The following STIM2 variants were observed in gnomAD, a reference collection of about 807,000 sequenced individuals.
STIM2 encodes the protein stromal interaction molecule 2.
In STIM2, 31 loss-of-function variants were observed where a neutral mutation model predicts 85.8. The observed-to-expected ratio is 0.36, with a 90% CI of 0.27 to 0.49. The LOEUF is 0.49. STIM2 is among the 20% of genes least tolerant of loss of function. The pLI, the probability that STIM2 is intolerant of heterozygous loss-of-function variation, is 0.98. For synonymous variants in STIM2, 356 were observed against 331.1 expected, an observed-to-expected ratio of 1.08 and a Z score of -0.82; for missense variants, 841 against 927.6, an observed-to-expected ratio of 0.91 and a Z score of 1.21.
At chr4:26,986,083 C>A (rs950084506) in intron 3 of STIM2, among the ~76,000 whole-genome samples, 8 of 152,164 alleles carry the variant, frequency 5.3e-5, no homozygotes, top group South Asian at 2.1e-4. Flanking sequence ...GTTTCCACTA[C>A]TTACTTGGTC....
rs1213033750 is a variant in STIM2 at position 27,024,510 on chromosome 4, T to C, written c.*1514T>C. 1 of 152,244 alleles carries C rather than the reference T, an allele frequency of 6.6e-6. No individual in the cohort carries two copies. Among genetic ancestry groups the C allele is most frequent in the Non-Finnish European group, 1.5e-5 (1 of 68,046 alleles). The allele number at this position is 152,244 out of a possible 1,614,324, so 9.4% of individuals were successfully genotyped here. On this transcript the variant is annotated 3_prime_UTR_variant, in exon 12 of 12. Transcript: ENST00000467087. ...GATAAACCAGAAGTTTCTTTTGAGA[T>C]TTGCTTTAAAGAAATGCTTTAGTAA...
chr4:26,873,987 CTCTCTT>C, intron 1 of STIM2: 1 of 928,200 alleles, frequency 1.1e-6, no homozygotes, highest in Non-Finnish European at 1.8e-6. Flanking sequence ...TTCTGTGCCC[CTCTCTT>C]TCTCCTCCTG....
chr4:26,968,171 C>CA (rs1289551506), intron 3 of STIM2, among the ~76,000 whole-genome samples: 5 of 151,302 alleles, frequency 3.3e-5, no homozygotes, highest in African/African-American at 4.9e-5. Flanking sequence ...ACCCTGTATC[C>CA]AAAAAAAATC....
chr4:26,969,814 C>T (rs574073034), intron 3 of STIM2, among the ~76,000 whole-genome samples: 93 of 152,198 alleles, frequency 6.1e-4, no homozygotes, highest in South Asian at 1.0e-3. Flanking sequence ...AGTAATCACT[C>T]TAGATTCTAG....
chr4:27,019,158 A>C (rs776227725), intron 11 of STIM2, among the ~76,000 whole-genome samples: 1 of 152,142 alleles, frequency 6.6e-6, no homozygotes, highest in African/African-American at 2.4e-5. Flanking sequence ...CTCTTCTATG[A>C]GAAGCAAAAG....
chr4:26,984,571 G>C (rs1212924090), intron 3 of STIM2, among the ~76,000 whole-genome samples: 1 of 152,154 alleles, frequency 6.6e-6, no homozygotes, highest in Non-Finnish European at 1.5e-5. Flanking sequence ...CGCCATGTTG[G>C]CCAGGCTGGT....
intron 2 of STIM2, among the ~76,000 whole-genome samples, chr4:26,929,619 T>G (rs1004695813): frequency 3.9e-5 from 6 of 152,174 alleles, no homozygotes; most frequent in Non-Finnish European, 7.4e-5. Context: ...AAAATTCTGT[T>G]TAAAAACTTA....
chr4:26,861,109 C>A lies in STIM2; in HGVS notation c.-110C>A. The A allele has an allele frequency of 8.3e-7, 1 of 1,201,686 alleles. No individual in the cohort carries two copies. The highest frequency in any genetic ancestry group is 1.0e-6 in the Non-Finnish European group (1 of 969,738). The allele number at this position is 1,201,686 out of a possible 1,614,324, so 74.4% of individuals were successfully genotyped here. On this transcript the variant is annotated 5_prime_UTR_variant, in exon 1 of 12. Coordinates refer to ENST00000467087, the MANE Select transcript of STIM2 (RefSeq NM_020860.4). ...CCTCGCGGAGCCGGCGAGCTGCAGG[C>A]GGCCGGGGCGCCGCTGCGCTTTCAC...
chr4:26,995,557 A>G (rs1560233950), intron 4 of STIM2, 67 bp downstream of exon 4: 4 of 942,960 alleles, frequency 4.2e-6, no homozygotes, highest in African/African-American at 1.7e-5. Context: ...TCATTTCCCC[A>G]TACTGAATCT....
intron 2 of STIM2, among the ~76,000 whole-genome samples, chr4:26,949,490 C>G (rs1725967242): frequency 6.6e-6 from 1 of 152,046 alleles, no homozygotes; most frequent in Non-Finnish European, 1.5e-5. Context: ...TCAATGAGAA[C>G]TATGTGTGGT....
chr4:26,917,134 C>T (rs758262343), intron 1 of STIM2, among the ~76,000 whole-genome samples: 8 of 152,096 alleles, frequency 5.3e-5, no homozygotes, highest in Non-Finnish European at 1.2e-4. Context: ...ACAAAAATGA[C>T]ACATAAGCAA....
chr4:26,981,969 C>CTTT (rs143405031), intron 3 of STIM2, among the ~76,000 whole-genome samples: 3 of 147,562 alleles, frequency 2.0e-5, no homozygotes, highest in African/African-American at 2.5e-5. Flanking sequence ...ATGTGTAATT[C>CTTT]TTTTTTTTTT....
At chr4:26,936,668 C>G (rs1387543361) in intron 2 of STIM2, among the ~76,000 whole-genome samples, 1 of 152,196 alleles carries the variant, frequency 6.6e-6, no homozygotes, top group African/African-American at 2.4e-5. Context: ...GATACATACT[C>G]TTAAATGCAA....
intron 3 of STIM2, among the ~76,000 whole-genome samples, chr4:26,991,376 G>T (rs1727759506): frequency 6.6e-6 from 1 of 152,096 alleles, no homozygotes; most frequent in Non-Finnish European, 1.5e-5. Context: ...AGCTAAAAAA[G>T]TGGATTTTAT....
Position 27,003,099 on chromosome 4 carries a change from G to A in STIM2, c.976G>A (p.Glu326Lys). The A allele has an allele frequency of 6.4e-7, 1 of 1,570,462 alleles. No individual in the cohort carries two copies. The highest frequency in any genetic ancestry group is 8.6e-7 in the Non-Finnish European group (1 of 1,164,838). The change falls in exon 7 of 12, where the codon GAA (glutamate) becomes AAA (lysine). Residue 326 changes from glutamate (E) to lysine (K), a missense_variant. Physicochemically the swap from Glu to Lys is moderately conservative, Grantham distance 56. Transcript: ENST00000467087. ...ACGTCAGTATGCAGAACAGGAATTG[G>A]AACAGGTATTTACATTAAAAAAAAA...
chr4:26,922,956 C>A (rs929978105), intron 2 of STIM2, among the ~76,000 whole-genome samples: 5 of 152,116 alleles, frequency 3.3e-5, no homozygotes, highest in Non-Finnish European at 7.4e-5. Flanking sequence ...ACAGTAACCT[C>A]TGCAGACTTA....
intron 1 of STIM2, among the ~76,000 whole-genome samples, chr4:26,900,143 G>A (rs1723863283): frequency 6.6e-6 from 1 of 152,160 alleles, no homozygotes; most frequent in Non-Finnish European, 1.5e-5. Flanking sequence ...CAGTTTATAG[G>A]AAATAGAAGC....
chr4:26,940,110 G>A lies in STIM2; in HGVS notation c.283-17502G>A, dbSNP rs914603835. On this transcript the variant is annotated intron_variant, in intron 2 of 11. Coordinates refer to ENST00000467087, the MANE Select transcript of STIM2 (RefSeq NM_020860.4). ...TGCCGTGATGTAGGTGCAGAACAGG[G>A]AAGTACTAAAGCAAGCCCCTTGAGT... 1.0e-3 allele frequency among the ~76,000 whole-genome samples: 152 copies of A among 152,138 alleles called. 5 individuals carry two copies. Among genetic ancestry groups the A allele is most frequent in the Admixed American group, 1.0e-2 (152 of 15,268 alleles).
chr4:26,862,132 T>A (rs952949287), intron 1 of STIM2, among the ~76,000 whole-genome samples: 14 of 152,172 alleles, frequency 9.2e-5, no homozygotes, highest in Admixed American at 2.0e-4. Flanking sequence ...ACCTTTTTTT[T>A]AATATATAGA....
Sources: allele counts gnomAD v4.1 joint callset (sites outside exome capture counted in the v4.1 genomes callset), GRCh38; gene constraint gnomAD v4.1.1; transcripts MANE v1.5; gene names NCBI Gene and HGNC (gene_info 2026-07-23, HGNC 2026-07-21).